ABCC11: variants seen among roughly 807,000 people sequenced by gnomAD.
ABCC11 encodes the protein ATP-binding cassette sub-family C member 11.
In ABCC11, 135 loss-of-function variants were observed where a neutral mutation model predicts 149.3. The observed-to-expected ratio is 0.90, with a 90% CI of 0.79 to 1.04. The LOEUF is 1.04. Among genes scored for constraint, ABCC11 ranks in the 50% least tolerant of loss-of-function variants. The probability of loss-of-function intolerance (pLI) is 0.00; values close to 1 mark genes in which losing one functional copy is unlikely to be tolerated. For synonymous variants in ABCC11, 665 were observed against 671.4 expected (o/e 0.99, Z 0.15); for missense variants, 1,680 against 1,722.1 (o/e 0.98, Z 0.43).
In ABCC11 at chr16:48,216,207, T is replaced by G. The variant is rs773517210; in HGVS notation, c.858A>C (p.Ala286=). The G allele has an allele frequency of 6.8e-6, 11 of 1,613,710 alleles. No homozygotes were observed. Among genetic ancestry groups the G allele is most frequent in the South Asian group, 1.1e-5 (1 of 91,072 alleles). The change falls in exon 7 of 30, where the codon GCA becomes GCC. Residue 286 remains alanine, a synonymous_variant. Transcript: ENST00000356608. ...AAGAAATGCTGCAGATGACCAGCGA[T>G]GCGCAGGTGATCAGTACTAGGGGTC... The part of the protein sequence containing the change: ...CYGPLVLITC[A]SLVICSISSY...
Position 48,197,986 on chromosome 16 carries a change from G to C in ABCC11, c.2299C>G (p.Leu767Val), listed in dbSNP as rs775900414. 6.2e-7 allele frequency: 1 copy of C among 1,614,146 alleles called. No homozygotes were observed. ...QALATSLEES[L>V]NGNAVPEHQL... ...ACACCATTACCAGCATTTCCGTTGA[G>C]AGACTCTTCCAGGGAGGTGGCCAGA... Residue 767 changes from leucine to valine, a missense_variant, in exon 17 of 30, where the codon CTC (leucine) becomes GTC (valine). Leu to Val is a conservative substitution (Grantham distance 32, BLOSUM62 1). Coordinates refer to ENST00000356608, the MANE Select transcript of ABCC11 (RefSeq NM_001370497.1).
chr16:48,235,179 TGCAAAGAGAGGTAACGA>T (rs1439475132), intron 1 of ABCC11: 18 of 152,132 alleles, frequency 1.2e-4, no homozygotes, highest in Admixed American at 1.2e-3. Context: ...CAAATACACC[TGCAAAGAGAGGTAACGA>T]AGGTTTCACA....
chr16:48,223,204 A>T (rs1036428236), intron 5 of ABCC11, among the ~76,000 whole-genome samples: 1 of 152,230 alleles, frequency 6.6e-6, no homozygotes, highest in African/African-American at 2.4e-5. Context: ...GCCTCCTTAG[A>T]CTTAAGGGGC....
At chr16:48,175,159 A>G (rs1259916597) in intron 26 of ABCC11, 99 bp downstream of exon 26, 14 of 1,453,874 alleles carry the variant, frequency 9.6e-6, no homozygotes, top group Middle Eastern at 1.8e-4. Flanking sequence ...AGGCCTGGAA[A>G]TCGGGGCATT....
Position 48,241,718 on chromosome 16 carries a change from C to T in ABCC11, c.-19+5596G>A, listed in dbSNP as rs569198852. ...AGAGATATAGACCAATGGAACAGAA[C>T]AGAGCCCTCAGAAATAATACCACAC... On this transcript the variant is annotated intron_variant, in intron 1 of 29. Coordinates refer to ENST00000356608, the MANE Select transcript of ABCC11 (RefSeq NM_001370497.1). Among the ~76,000 whole-genome samples, 6 of 152,264 alleles carry T rather than the reference C, an allele frequency of 3.9e-5. No individual in the cohort carries two copies. In the South Asian group the frequency reaches 1.2e-3, roughly 32 times the overall value.
At chr16:48,227,425 G>T (rs2150908930) in intron 4 of ABCC11, among the ~76,000 whole-genome samples, 1 of 147,228 alleles carries the variant, frequency 6.8e-6, no homozygotes, top group African/African-American at 2.5e-5. Context: ...AGTCAGCCGA[G>T]ATTGCACCAC....
chr16:48,172,135 T>C (rs551866646), intron 26 of ABCC11, among the ~76,000 whole-genome samples: 5 of 152,244 alleles, frequency 3.3e-5, no homozygotes, highest in Non-Finnish European at 5.9e-5. Flanking sequence ...TGGACTCATG[T>C]AGTATGTGTC....
chr16:48,207,673 AGGAAG>A (rs931135629), intron 12 of ABCC11, among the ~76,000 whole-genome samples: 11 of 152,098 alleles, frequency 7.2e-5, no homozygotes, highest in Non-Finnish European at 1.3e-4. Flanking sequence ...AAAGAAAGGA[AGGAAG>A]GGAAGGGAAG....
intron 26 of ABCC11, among the ~76,000 whole-genome samples, chr16:48,171,440 G>A (rs1965715646): frequency 6.6e-6 from 1 of 152,234 alleles, no homozygotes; most frequent in East Asian, 1.9e-4. Context: ...TCAGAATGAA[G>A]CAAGGCAATG....
chr16:48,182,161 G>T (rs1357424241), intron 23 of ABCC11, among the ~76,000 whole-genome samples: 1 of 152,182 alleles, frequency 6.6e-6, no homozygotes, highest in Non-Finnish European at 1.5e-5. Context: ...TGTGCTCATG[G>T]ACATACATGC....
At chr16:48,216,738 C>T (rs1433132733) in intron 6 of ABCC11, among the ~76,000 whole-genome samples, 1 of 152,112 alleles carries the variant, frequency 6.6e-6, no homozygotes, top group Non-Finnish European at 1.5e-5. Context: ...GCTGAAAGTC[C>T]CTCTGCTTTT....
intron 1 of ABCC11, among the ~76,000 whole-genome samples, chr16:48,234,042 C>A (rs1446269524): frequency 6.6e-6 from 1 of 152,230 alleles, no homozygotes; most frequent in Non-Finnish European, 1.5e-5. Flanking sequence ...GCATTATTAA[C>A]ATTTCCTACA....
At chr16:48,167,811 C>T in intron 28 of ABCC11, 151 bp from the exon 29 acceptor site, 1 of 898,126 alleles carries the variant, frequency 1.1e-6, no homozygotes, top group African/African-American at 1.7e-5. Flanking sequence ...GAGTGCAAAG[C>T]CCGCTCTGAT....
At chr16:48,205,340 C>T in intron 13 of ABCC11, 73 bp downstream of exon 13, 1 of 1,587,460 alleles carries the variant, frequency 6.3e-7, no homozygotes, top group South Asian at 1.1e-5. Flanking sequence ...TGTCAGGTTA[C>T]CGTTTGAAGC....
intron 10 of ABCC11, 38 bp from the exon 11 acceptor site, chr16:48,211,237 A>C: frequency 6.3e-7 from 1 of 1,597,380 alleles, no homozygotes; most frequent in South Asian, 1.1e-5. Context: ...GGAGGAATAC[A>C]GTTCTTTAGT....
intron 12 of ABCC11, among the ~76,000 whole-genome samples, chr16:48,207,125 G>A (rs557376334): frequency 6.6e-6 from 1 of 152,218 alleles, no homozygotes; most frequent in Non-Finnish European, 1.5e-5. Flanking sequence ...GGGAAAAGCC[G>A]AAGAAAGGAA....
chr16:48,231,262 A>G (rs1436462721), intron 2 of ABCC11, among the ~76,000 whole-genome samples: 3 of 152,146 alleles, frequency 2.0e-5, no homozygotes, highest in African/African-American at 4.8e-5. Context: ...GATAGATACA[A>G]TCTAATCTCT....
At position 48,176,517 on chromosome 16, in the gene ABCC11, T is replaced by C. The variant is rs538670942; in HGVS notation, c.3538+407A>G. ...GGGAGTCTGGATTTAACTCCTAGCC[T>C]GCTCTTCATCCTGGCAGTGCCCTGC... On this transcript the variant is annotated intron_variant, in intron 25 of 29. Transcript: ENST00000356608. Among the ~76,000 whole-genome samples the C allele has an allele frequency of 3.3e-5, 5 of 152,182 alleles. No individual in the cohort carries two copies. The East Asian group carries it at 9.7e-4, about 29-fold the overall frequency.
At chr16:48,202,681 G>T (rs998281783) in intron 14 of ABCC11, among the ~76,000 whole-genome samples, 2 of 151,874 alleles carry the variant, frequency 1.3e-5, no homozygotes, top group Non-Finnish European at 1.5e-5. Flanking sequence ...AGATTATCGT[G>T]ACTCTCACCT....
Sources: gnomAD v4.1 joint callset for allele counts (sites outside exome capture counted in the v4.1 genomes callset) on GRCh38, gnomAD v4.1.1 for gene constraint, MANE v1.5 for transcripts, NCBI Gene and HGNC (gene_info 2026-07-23, HGNC 2026-07-21) for gene names.